FOXJ3: variants seen among roughly 807,000 people sequenced by gnomAD.
The protein encoded by FOXJ3 is forkhead box J3.
A neutral mutation model predicts 76.1 loss-of-function variants in FOXJ3; 22 were observed. That is an observed-to-expected ratio of 0.29 (90% CI 0.21 to 0.41). The LOEUF is 0.41. FOXJ3 is among the 10% of genes least tolerant of loss of function. The probability of loss-of-function intolerance (pLI) is 1.00; values close to 1 mark genes in which losing one functional copy is unlikely to be tolerated. For synonymous variants in FOXJ3, 269 were observed against 261.2 expected (o/e 1.03, Z -0.29); for missense variants, 613 against 762.1 (o/e 0.80, Z 2.30).
At chr1:42,215,260 A>G (rs1647043131) in intron 5 of FOXJ3, among the ~76,000 whole-genome samples, 1 of 152,188 alleles carries the variant, frequency 6.6e-6, no homozygotes, top group Admixed American at 6.5e-5. Flanking sequence ...AAAAACTTGA[A>G]TGGAAATATA....
chr1:42,263,079 T>C (rs1651184933), intron 4 of FOXJ3, among the ~76,000 whole-genome samples: 1 of 152,174 alleles, frequency 6.6e-6, no homozygotes, highest in Non-Finnish European at 1.5e-5. Flanking sequence ...TATTTCTGTA[T>C]TTTGTTTTAG....
intron 4 of FOXJ3, among the ~76,000 whole-genome samples, chr1:42,255,595 A>C (rs989174965): frequency 1.3e-5 from 2 of 152,236 alleles, no homozygotes; most frequent in African/African-American, 2.4e-5. Flanking sequence ...TTTACCAGAG[A>C]AACGCTTTAA....
rs139761257 is a variant in FOXJ3 at position 42,310,975 on chromosome 1, T to C, written c.44+75A>G. 244 of 828,890 alleles carry C rather than the reference T, an allele frequency of 2.9e-4. No individual in the cohort carries two copies. In the African/African-American group the frequency reaches 3.8e-3, roughly 13 times the overall value. 51.3% of individuals were successfully genotyped at this position (828,890 alleles called of 1,614,324 possible). ...ATTCTGAATCTCACCTTCAAATTCA[T>C]TGTAATATGAGGTGACCAGTCTAAC... On this transcript the variant is annotated intron_variant, in intron 2 of 12. Transcript: ENST00000361346.
chr1:42,205,211 C>T (rs1646838176), intron 6 of FOXJ3, among the ~76,000 whole-genome samples: 4 of 152,072 alleles, frequency 2.6e-5, no homozygotes, highest in Admixed American at 1.3e-4. Flanking sequence ...AGATATATAC[C>T]TGTATCCCAC....
chr1:42,250,511 G>A (rs1284708978), intron 4 of FOXJ3, among the ~76,000 whole-genome samples: 1 of 152,018 alleles, frequency 6.6e-6, no homozygotes, highest in Non-Finnish European at 1.5e-5. Flanking sequence ...AATTACCTAT[G>A]CATATACACA....
chr1:42,283,393 C>CATAT (rs1231388797), intron 2 of FOXJ3, among the ~76,000 whole-genome samples: 15 of 152,266 alleles, frequency 9.9e-5, no homozygotes, highest in Admixed American at 2.0e-4. Flanking sequence ...CAGGGACACT[C>CATAT]ATATGATCCC....
rs142831102 is a variant in FOXJ3, at chr1:42,258,223, T to G, written c.444+6892A>C. 3.0e-3 allele frequency among the ~76,000 whole-genome samples: 455 copies of G among 152,354 alleles called. 2 individuals carry two copies. Among genetic ancestry groups the G allele is most frequent in the Middle Eastern group, 0.01 (3 of 294 alleles). The stretch of plus-strand genomic sequence containing the variant: ...ACCATGCCTTCATCTTTTATTTTTT[T>G]AACCTCTCCCAGTTTATTTTGGCAA... On this transcript the variant is annotated intron_variant, in intron 4 of 12. Coordinates refer to ENST00000361346, the MANE Select transcript of FOXJ3 (RefSeq NM_014947.5).
intron 5 of FOXJ3, among the ~76,000 whole-genome samples, chr1:42,207,532 A>G (rs913643171): frequency 2.6e-5 from 4 of 152,212 alleles, no homozygotes; most frequent in African/African-American, 9.6e-5. Flanking sequence ...GTAAATGTTA[A>G]AGAGGGGCAA....
intron 5 of FOXJ3, among the ~76,000 whole-genome samples, chr1:42,209,105 G>C (rs1380541663): frequency 2.6e-5 from 4 of 152,202 alleles, no homozygotes; most frequent in Non-Finnish European, 4.4e-5. Context: ...GCAATGAAGT[G>C]AAATTGTCTC....
At chr1:42,216,249 T>C (rs1244746374) in intron 5 of FOXJ3, among the ~76,000 whole-genome samples, 2 of 152,014 alleles carry the variant, frequency 1.3e-5, no homozygotes, top group Non-Finnish European at 2.9e-5. Context: ...CCGGGCGCGG[T>C]GGCTCACGCC....
chr1:42,238,698 A>G lies in FOXJ3; in HGVS notation c.445-10732T>C, dbSNP rs559166984. ...CTCAGCCTCCCACGTAGCTGGGAAC[A>G]CAGGCATGCACAACCATACCTGGCA... On this transcript the variant is annotated intron_variant, in intron 4 of 12. Transcript: ENST00000361346. 2.0e-5 allele frequency among the ~76,000 whole-genome samples: 3 copies of G among 152,228 alleles called. No individual in the cohort carries two copies. The South Asian group carries it at 6.2e-4, about 32-fold the overall frequency.
chr1:42,262,096 A>T (rs1249304103), intron 4 of FOXJ3, among the ~76,000 whole-genome samples: 1 of 152,200 alleles, frequency 6.6e-6, no homozygotes, highest in Non-Finnish European at 1.5e-5. Flanking sequence ...AGCTGGTGGA[A>T]TATAAACCAG....
intron 2 of FOXJ3, among the ~76,000 whole-genome samples, chr1:42,290,288 T>C (rs75685598): frequency 7.2e-5 from 11 of 152,148 alleles, no homozygotes; most frequent in African/African-American, 1.2e-4. Flanking sequence ...CTTAAGGTTA[T>C]GGATCTCACC....
chr1:42,181,812 G>GACACAC (rs112821227), intron 12 of FOXJ3, 105 bp downstream of exon 12: 348 of 611,502 alleles, frequency 5.7e-4, no homozygotes, highest in African/African-American at 3.3e-3. Context: ...GGTAATAACT[G>GACACAC]ACACACACAC....
chr1:42,315,567 G>A (rs986804167), intron 1 of FOXJ3: 3 of 198,890 alleles, frequency 1.5e-5, no homozygotes, highest in African/African-American at 7.1e-5. Context: ...TAGTTCCAGT[G>A]TTATTCATTT....
At chr1:42,313,892 T>C (rs756685978) in intron 1 of FOXJ3, among the ~76,000 whole-genome samples, 1 of 152,358 alleles carries the variant, frequency 6.6e-6, no homozygotes, top group Admixed American at 6.5e-5. Context: ...TGAAGGTAGA[T>C]AGATCTCAAA....
At chr1:42,227,515 T>C (rs1647669371) in intron 5 of FOXJ3, among the ~76,000 whole-genome samples, 1 of 152,140 alleles carries the variant, frequency 6.6e-6, no homozygotes, top group African/African-American at 2.4e-5. Flanking sequence ...TTGAGGACAA[T>C]GGGGAAAATT....
intron 1 of FOXJ3, among the ~76,000 whole-genome samples, chr1:42,313,682 A>C (rs1464411990): frequency 3.9e-5 from 6 of 152,160 alleles, no homozygotes; most frequent in Non-Finnish European, 1.5e-5. Flanking sequence ...GGTGTGGCTA[A>C]AAAGGCAGCC....
intron 5 of FOXJ3, among the ~76,000 whole-genome samples, chr1:42,215,735 C>T (rs1376057450): frequency 6.6e-6 from 1 of 152,042 alleles, no homozygotes; most frequent in Non-Finnish European, 1.5e-5. Flanking sequence ...AGGTAAACAT[C>T]GACTAGGAAA....
Sources: allele counts gnomAD v4.1 joint callset (sites outside exome capture counted in the v4.1 genomes callset), GRCh38; gene constraint gnomAD v4.1.1; transcripts MANE v1.5; gene names NCBI Gene and HGNC (gene_info 2026-07-23, HGNC 2026-07-21).